GBE1: variants seen among roughly 807,000 people sequenced by gnomAD.
The protein encoded by GBE1 is 1,4-alpha-glucan branching enzyme 1.
In GBE1, 70 loss-of-function variants were observed where a neutral mutation model predicts 88.8. That is an observed-to-expected ratio of 0.79 (90% CI 0.65 to 0.96). GBE1 has a LOEUF of 0.96. GBE1 is among the 40% of genes least tolerant of loss of function. The pLI is 0.00. For synonymous variants in GBE1, 284 were observed against 300.1 expected (o/e 0.95, Z 0.56); for missense variants, 872 against 871.0 (o/e 1.00, Z -0.01).
intron 7 of GBE1, among the ~76,000 whole-genome samples, chr3:81,621,936 A>G (rs2107014635): frequency 6.6e-6 from 1 of 152,292 alleles, no homozygotes; most frequent in East Asian, 1.9e-4. Context: ...CCTGCAAAAA[A>G]CCAATATACT....
At chr3:81,726,237 TG>T (rs3836324) in intron 1 of GBE1, among the ~76,000 whole-genome samples, 97,162 of 151,942 alleles carry the variant, frequency 0.64, 32,792 homozygotes, top group East Asian at 0.94. Flanking sequence ...CTTGAGGGTG[TG>T]GGAGCTGGGC....
rs868033452 is a variant in GBE1 at position 81,705,459 on chromosome 3, G to C, written c.298C>G (p.Leu100Val). ...EWAPGAEGVF[L>V]TGDFNGWNPF... ...AAGTACTTACTAAAATCTCCAGTAA[G>C]AAAAACTCCTTCTGCTCCCGGGGCC... The change falls in exon 2 of 16, where the codon CTT becomes GTT. Residue 100 changes from leucine to valine, a missense_variant. Leu to Val is a conservative substitution (Grantham distance 32). Transcript: ENST00000429644. 6.3e-7 allele frequency: 1 copy of C among 1,588,234 alleles called. No homozygotes were observed. The highest frequency in any genetic ancestry group is 1.7e-4 in the Middle Eastern group (1 of 6,016).
intron 12 of GBE1, among the ~76,000 whole-genome samples, chr3:81,552,522 A>T (rs1188234406): frequency 0.057 from 275 of 4,848 alleles, no homozygotes; most frequent in Non-Finnish European, 0.098. Context: ...ATCTTATATA[A>T]AAAAAAAAAA....
intron 7 of GBE1, among the ~76,000 whole-genome samples, chr3:81,638,949 A>C (rs1704630698): frequency 6.6e-6 from 1 of 152,178 alleles, no homozygotes; most frequent in African/African-American, 2.4e-5. Flanking sequence ...TTATGACAAA[A>C]GTTTTCAAAG....
chr3:81,501,521 C>T (rs1559625473), intron 14 of GBE1, among the ~76,000 whole-genome samples: 1 of 151,990 alleles, frequency 6.6e-6, no homozygotes, highest in Non-Finnish European at 1.5e-5. Flanking sequence ...ATGTTCTGAA[C>T]CCGTTCCTAA....
chr3:81,754,849 C>A (rs1399227980), intron 1 of GBE1, among the ~76,000 whole-genome samples: 2 of 152,108 alleles, frequency 1.3e-5, no homozygotes, highest in Non-Finnish European at 2.9e-5. Context: ...AAACTTTAGT[C>A]TAAGACCTGA....
At chr3:81,685,200 A>G (rs1347206452) in intron 2 of GBE1, among the ~76,000 whole-genome samples, 1 of 152,178 alleles carries the variant, frequency 6.6e-6, no homozygotes, top group African/African-American at 2.4e-5. Context: ...TATTTCACAG[A>G]GAAAACGGGA....
Position 81,662,321 on chromosome 3 carries a change from C to T in GBE1, c.429+8517G>A, listed in dbSNP as rs147123568. ...TGCTGGGATTACAGGTGTGAGCCACCGTACCCGGCCCTTCCTGCTATTTTA... is the reference window on the plus strand; with the variant it reads ...TGCTGGGATTACAGGTGTGAGCCACTGTACCCGGCCCTTCCTGCTATTTTA... On this transcript the variant is annotated intron_variant, in intron 3 of 15. Transcript: ENST00000429644. Among the ~76,000 whole-genome samples the T allele has an allele frequency of 1.5e-3, 226 of 152,194 alleles. 1 individual carries two copies. The highest frequency in any genetic ancestry group is 6.8e-3 in the Middle Eastern group (2 of 294).
At chr3:81,648,597 T>C (rs1292696921) in intron 5 of GBE1, among the ~76,000 whole-genome samples, 4 of 152,142 alleles carry the variant, frequency 2.6e-5, no homozygotes, top group African/African-American at 9.6e-5. Flanking sequence ...TATTTATCTA[T>C]AATTTTGGAA....
At chr3:81,492,720 C>T (rs1339714108) in intron 15 of GBE1, among the ~76,000 whole-genome samples, 25 of 145,658 alleles carry the variant, frequency 1.7e-4, no homozygotes, top group Non-Finnish European at 3.2e-4. Context: ...TTCCTTCCTT[C>T]CTTCCTTCCT....
At chr3:81,700,808 G>T (rs1261983298) in intron 2 of GBE1, among the ~76,000 whole-genome samples, 1 of 152,032 alleles carries the variant, frequency 6.6e-6, no homozygotes, top group Non-Finnish European at 1.5e-5. Context: ...AAAAATCAAG[G>T]TTTGTTTCTT....
intron 2 of GBE1, among the ~76,000 whole-genome samples, chr3:81,672,084 C>T (rs1705197865): frequency 6.6e-6 from 1 of 151,892 alleles, no homozygotes; most frequent in Admixed American, 6.6e-5. Context: ...ATTAAAACAA[C>T]AATAAGATAT....
Position 81,670,854 on chromosome 3 carries a change from T to C in GBE1, c.413A>G (p.His138Arg). Residue 138 changes from histidine (H) to arginine (R), a missense_variant, in exon 3 of 16, where the codon CAT becomes CGT. Physicochemically the swap from His to Arg is conservative, Grantham distance 29 (BLOSUM62 0). Transcript: ENST00000429644. ...GGAAAGTACCTTTAATTTGGATCCA[T>C]GAGGCACGAGTACAGATTTATTCTG... ...PKQNKSVLVP[H>R]GSKLKVVITS... 1 of 1,556,236 alleles carries C rather than the reference T, an allele frequency of 6.4e-7. No homozygotes were observed. Among genetic ancestry groups the C allele is most frequent in the South Asian group, 1.3e-5 (1 of 79,474 alleles).
At chr3:81,667,369 T>A (rs1171493151) in intron 3 of GBE1, among the ~76,000 whole-genome samples, 1 of 152,178 alleles carries the variant, frequency 6.6e-6, no homozygotes, top group Non-Finnish European at 1.5e-5. Context: ...GTTTTGTAAA[T>A]ATAGAAACAT....
chr3:81,649,380 G>A (rs544342065), intron 4 of GBE1, among the ~76,000 whole-genome samples: 19 of 151,980 alleles, frequency 1.3e-4, no homozygotes, highest in African/African-American at 2.9e-4. Flanking sequence ...CTAATATGGC[G>A]GTAAAAATTA....
At chr3:81,501,327 AT>A in intron 14 of GBE1, among the ~76,000 whole-genome samples, 1 of 152,290 alleles carries the variant, frequency 6.6e-6, no homozygotes, top group Admixed American at 6.5e-5. Context: ...TGGCTTCCCA[AT>A]GTCTGGTGAC....
In GBE1 at chr3:81,499,094, T is replaced by G; in HGVS notation, c.2052+16A>C. The G allele has an allele frequency of 1.5e-6, 2 of 1,317,534 alleles. No homozygotes were observed. Among genetic ancestry groups the G allele is most frequent in the Non-Finnish European group, 2.2e-6 (2 of 923,008 alleles). The allele number at this position is 1,317,534 out of a possible 1,614,324, so 81.6% of individuals were successfully genotyped here. Reference sequence around the variant, plus strand: ...TAAATTAAAATAGCAGGAAATATGTTGAGAAACTTACTTACCAAAAGAGAA... The same window carrying G: ...TAAATTAAAATAGCAGGAAATATGTGGAGAAACTTACTTACCAAAAGAGAA... On this transcript the variant is annotated intron_variant, in intron 15 of 15. Coordinates refer to ENST00000429644, the MANE Select transcript of GBE1 (RefSeq NM_000158.4).
chr3:81,739,531 A>G (rs1706318197), intron 1 of GBE1, among the ~76,000 whole-genome samples: 1 of 152,190 alleles, frequency 6.6e-6, no homozygotes, highest in Non-Finnish European at 1.5e-5. Context: ...TCTAGAAGAC[A>G]ACATATTGCC....
chr3:81,541,052 C>T (rs192345268), intron 12 of GBE1, among the ~76,000 whole-genome samples: 18 of 152,076 alleles, frequency 1.2e-4, no homozygotes, highest in African/African-American at 3.9e-4. Flanking sequence ...CCTGAGGTCA[C>T]GCTGTTGCTG....
Sources: allele counts gnomAD v4.1 joint callset (sites outside exome capture counted in the v4.1 genomes callset), GRCh38; gene constraint gnomAD v4.1.1; transcripts MANE v1.5; gene names NCBI Gene and HGNC (gene_info 2026-07-23, HGNC 2026-07-21).